CYP2C19: variants seen among roughly 807,000 people sequenced by gnomAD.
CYP2C19 encodes the protein cytochrome P450 2C19.
Under a neutral mutation model 40.9 loss-of-function variants are expected in CYP2C19, and 59 were observed. That is an observed-to-expected ratio of 1.44 (90% CI 1.17 to 1.79). The LOEUF (loss-of-function observed/expected upper bound fraction) is 1.79, where lower values mean the gene tolerates loss of function less well. CYP2C19 is among the 40% of genes most tolerant of loss of function. The probability of loss-of-function intolerance (pLI) is 0.00; values close to 1 mark genes in which losing one functional copy is unlikely to be tolerated. For synonymous variants in CYP2C19, 253 were observed against 208.7 expected (o/e 1.21, Z -1.83); for missense variants, 754 against 596.9 (o/e 1.26, Z -2.74).
At chr10:94,826,189 G>A (rs1283116286) in intron 6 of CYP2C19, among the ~76,000 whole-genome samples, 1 of 151,934 alleles carries the variant, frequency 6.6e-6, no homozygotes, top group African/African-American at 2.4e-5. Flanking sequence ...TTCCAATTCT[G>A]TGAAGAAAGT....
At chr10:94,821,134 A>G (rs574888908) in intron 6 of CYP2C19, among the ~76,000 whole-genome samples, 1 of 152,280 alleles carries the variant, frequency 6.6e-6, no homozygotes, top group East Asian at 1.9e-4. Flanking sequence ...ACATCTTTGC[A>G]CAGTAGAGGA....
rs1177209031 is a variant in CYP2C19, at chr10:94,849,900, A to G, written c.1150-17A>G. ...GACTTCTTTACAGCTCAGTTCACCT[A>G]TGTCTCTTGTTTCTAGGGCACAACC... On this transcript the variant is annotated splice_polypyrimidine_tract_variant and intron_variant, in intron 7 of 8. Coordinates refer to ENST00000371321, the MANE Select transcript of CYP2C19 (RefSeq NM_000769.4). 5 of 1,613,350 alleles carry G rather than the reference A, an allele frequency of 3.1e-6. No individual in the cohort carries two copies. The highest frequency in any genetic ancestry group is 1.1e-5 in the South Asian group (1 of 91,044).
At position 94,762,829 on chromosome 10, in the gene CYP2C19, A is replaced by G. The variant is rs559087813; in HGVS notation, c.124A>G (p.Ile42Val). 6.2e-7 allele frequency: 1 copy of G among 1,613,964 alleles called. No homozygotes were observed. The highest frequency in any genetic ancestry group is 1.7e-5 in the Admixed American group (1 of 60,016). The change falls in exon 1 of 9, where the codon ATC becomes GTC. Residue 42 changes from isoleucine to valine, a missense_variant. By Grantham distance (29) the Ile-to-Val change is conservative. Coordinates refer to ENST00000371321, the MANE Select transcript of CYP2C19 (RefSeq NM_000769.4). ...GPTPLPVIGNILQIDIKDVSK... is the reference protein window; with the variant it reads ...GPTPLPVIGNVLQIDIKDVSK... ...CACTCCTCTCCCAGTGATTGGAAATATCCTACAGATAGATATTAAGGATGT... is the reference window on the plus strand; with the variant it reads ...CACTCCTCTCCCAGTGATTGGAAATGTCCTACAGATAGATATTAAGGATGT...
chr10:94,798,024 C>G (rs1005760290), intron 5 of CYP2C19, among the ~76,000 whole-genome samples: 4 of 151,872 alleles, frequency 2.6e-5, no homozygotes, highest in Non-Finnish European at 5.9e-5. Flanking sequence ...TATTTCTTGC[C>G]TTCTGCTAGC....
At chr10:94,771,722 C>G (rs1387617391) in intron 1 of CYP2C19, among the ~76,000 whole-genome samples, 2 of 152,130 alleles carry the variant, frequency 1.3e-5, no homozygotes, top group Admixed American at 6.5e-5. Context: ...GAACCTGCAA[C>G]AGTCCCTGGA....
intron 5 of CYP2C19, among the ~76,000 whole-genome samples, chr10:94,795,651 C>T (rs1306479077): frequency 6.6e-6 from 1 of 152,152 alleles, no homozygotes; most frequent in Non-Finnish European, 1.5e-5. Context: ...TTCTCCATAT[C>T]CTCTCCAGCA....
intron 6 of CYP2C19, among the ~76,000 whole-genome samples, chr10:94,835,117 A>G (rs1042726096): frequency 1.3e-5 from 2 of 152,132 alleles, no homozygotes; most frequent in Non-Finnish European, 2.9e-5. Flanking sequence ...CATTTGAAGA[A>G]TGATTTGTAG....
chr10:94,836,674 G>T (rs1367983489), intron 6 of CYP2C19, among the ~76,000 whole-genome samples: 1 of 152,178 alleles, frequency 6.6e-6, no homozygotes, highest in Non-Finnish European at 1.5e-5. Context: ...GAATAAGCTG[G>T]ATACGTTCCT....
At chr10:94,838,104 C>T (rs552683006) in intron 6 of CYP2C19, among the ~76,000 whole-genome samples, 1 of 152,236 alleles carries the variant, frequency 6.6e-6, no homozygotes, top group South Asian at 2.1e-4. Context: ...TCTTCCTTTC[C>T]CTGTGTTATA....
chr10:94,795,554 T>C (rs942791696), intron 5 of CYP2C19, among the ~76,000 whole-genome samples: 4 of 150,740 alleles, frequency 2.7e-5, no homozygotes, highest in Non-Finnish European at 4.4e-5. Flanking sequence ...GTATTTCCAG[T>C]TCTATATCCC....
chr10:94,830,538 G>A (rs1849317210), intron 6 of CYP2C19, among the ~76,000 whole-genome samples: 2 of 152,142 alleles, frequency 1.3e-5, no homozygotes, highest in South Asian at 4.1e-4. Context: ...CGCACCCACT[G>A]ACCTGCGCCC....
intron 6 of CYP2C19, among the ~76,000 whole-genome samples, chr10:94,838,264 G>A (rs1308969342): frequency 2.0e-5 from 3 of 152,174 alleles, no homozygotes; most frequent in Admixed American, 6.5e-5. Flanking sequence ...GGCCTGTGGG[G>A]AATCATTCTC....
At chr10:94,821,751 T>G (rs1280509519) in intron 6 of CYP2C19, among the ~76,000 whole-genome samples, 4 of 152,182 alleles carry the variant, frequency 2.6e-5, no homozygotes, top group Admixed American at 2.6e-4. Context: ...TTAGGCCTTT[T>G]TTTGAACAAT....
Position 94,762,852 on chromosome 10 carries a change from T to A in CYP2C19, c.147T>A (p.Asp49Glu). Residue 49 changes from aspartate (D) to glutamate (E), a missense_variant, in exon 1 of 9, where the codon GAT (aspartate) becomes GAA (glutamate). Coordinates refer to ENST00000371321, the MANE Select transcript of CYP2C19 (RefSeq NM_000769.4). ...IGNILQIDIK[D>E]VSKSLTNLSK... ...ATATCCTACAGATAGATATTAAGGA[T>A]GTCAGCAAATCCTTAACCAATGTAA... 1.2e-6 allele frequency: 2 copies of A among 1,613,824 alleles called. No homozygotes were observed. The highest frequency in any genetic ancestry group is 1.1e-5 in the South Asian group (1 of 91,078).
chr10:94,800,882 G>A (rs1435590602), intron 5 of CYP2C19, among the ~76,000 whole-genome samples: 1 of 152,210 alleles, frequency 6.6e-6, no homozygotes, highest in Non-Finnish European at 1.5e-5. Context: ...GAAAAGCACA[G>A]TATTTGAGTG....
chr10:94,799,179 C>T (rs1203509747), intron 5 of CYP2C19, among the ~76,000 whole-genome samples: 1 of 151,920 alleles, frequency 6.6e-6, no homozygotes, highest in Middle Eastern at 3.2e-3. Flanking sequence ...CCTTCAGGAG[C>T]TCTTGTAAAG....
intron 8 of CYP2C19, among the ~76,000 whole-genome samples, chr10:94,850,456 G>A (rs948712118): frequency 6.6e-6 from 1 of 152,132 alleles, no homozygotes; most frequent in Non-Finnish European, 1.5e-5. Context: ...GGCTGGGCTT[G>A]TAGGATAAAA....
Position 94,781,860 on chromosome 10 carries a change from G to T in CYP2C19, c.682G>T (p.Gly228Ter). Residue 228 changes from glycine to a stop codon, truncating the protein, a stop_gained, in exon 5 of 9, where the codon GGA (glycine) becomes TGA (stop). Transcript: ENST00000371321. LOFTEE classifies it high-confidence loss of function. ...TCCCACTATCATTGATTATTTCCCG[G>T]GAACCCATAACAAATTACTTAAAAA... ...NFPTIIDYFPGTHNKLLKNLA... is the reference protein window; with the variant it reads ...NFPTIIDYFP The T allele has an allele frequency of 6.8e-7, 1 of 1,475,570 alleles. No homozygotes were observed. Among genetic ancestry groups the T allele is most frequent in the Non-Finnish European group, 8.9e-7 (1 of 1,119,348 alleles). 91.4% of individuals were successfully genotyped at this position (1,475,570 alleles called of 1,614,324 possible). A position where few individuals can be genotyped will look rare whatever the true frequency, so the allele number is the denominator to read the frequency against.
At chr10:94,811,072 G>A (rs1318344393) in intron 5 of CYP2C19, among the ~76,000 whole-genome samples, 2 of 152,056 alleles carry the variant, frequency 1.3e-5, no homozygotes, top group Admixed American at 6.5e-5. Context: ...TGGAGATTCT[G>A]GTACACTGTG....
Sources: allele counts gnomAD v4.1 joint callset (sites outside exome capture counted in the v4.1 genomes callset), GRCh38; gene constraint gnomAD v4.1.1; transcripts MANE v1.5; gene names NCBI Gene and HGNC (gene_info 2026-07-23, HGNC 2026-07-21).